Variants in PNKD observed in about 807,000 individuals in gnomAD.
PNKD encodes PNKD metallo-beta-lactamase domain containing, also known as probable thioesterase PNKD.
A neutral mutation model predicts 45.3 loss-of-function variants in PNKD; 36 were observed. The observed-to-expected ratio is 0.80, with a 90% CI of 0.61 to 1.05. The LOEUF is 1.05. PNKD is among the 50% of genes least tolerant of loss of function. The pLI, the probability that PNKD is intolerant of heterozygous loss-of-function variation, is 0.00. For synonymous variants in PNKD, 197 were observed against 210.1 expected, an observed-to-expected ratio of 0.94 and a Z score of 0.54; for missense variants, 511 against 506.6, an observed-to-expected ratio of 1.01 and a Z score of -0.08.
chr2:218,306,983 A>C (rs2106256417), intron 2 of PNKD, among the ~76,000 whole-genome samples: 1 of 152,344 alleles, frequency 6.6e-6, no homozygotes, highest in South Asian at 2.1e-4. Context: ...CCTACCAAAC[A>C]TCATAGCCTA....
chr2:218,312,931 G>A (rs1693660054), intron 2 of PNKD, among the ~76,000 whole-genome samples: 1 of 150,624 alleles, frequency 6.6e-6, no homozygotes, highest in African/African-American at 2.4e-5. Flanking sequence ...CTTCGTATGT[G>A]TTCTATTTTT....
chr2:218,302,370 G>C (rs1049846086), intron 2 of PNKD, among the ~76,000 whole-genome samples: 7 of 152,046 alleles, frequency 4.6e-5, no homozygotes, highest in Non-Finnish European at 8.8e-5. Flanking sequence ...CAAAAGAGTG[G>C]CACCCAGGCA....
At chr2:218,306,967 C>T (rs1021813201) in intron 2 of PNKD, among the ~76,000 whole-genome samples, 5 of 152,196 alleles carry the variant, frequency 3.3e-5, no homozygotes, top group Admixed American at 2.6e-4. Context: ...ATTAAATACA[C>T]CTAAACCTAC....
At chr2:218,276,952 A>G (rs987256363) in intron 2 of PNKD, 31 of 1,488,216 alleles carry the variant, frequency 2.1e-5, no homozygotes, top group Non-Finnish European at 2.8e-5. Context: ...CTATATAGGA[A>G]GTCTGCCCTG....
chr2:218,345,047 C>A lies in PNKD; in HGVS notation c.*66C>A. 1.6e-6 allele frequency: 2 copies of A among 1,237,384 alleles called. No homozygotes were observed. Among genetic ancestry groups the A allele is most frequent in the Non-Finnish European group, 2.3e-6 (2 of 870,686 alleles). The allele number at this position is 1,237,384 out of a possible 1,614,324, so 76.7% of individuals were successfully genotyped here. ...GAGGCCGCCACCACCAACACCTCAT[C>A]ATCCTTCTCATCGCTAACACCACCA... On this transcript the variant is annotated 3_prime_UTR_variant, in exon 10 of 10. Transcript: ENST00000273077.
intron 2 of PNKD, among the ~76,000 whole-genome samples, chr2:218,325,107 G>A (rs1206384370): frequency 7.0e-6 from 1 of 143,062 alleles, no homozygotes; most frequent in African/African-American, 2.6e-5. Flanking sequence ...CACCGTGTTG[G>A]TCAGGCTGGT....
At chr2:218,336,055 A>C (rs977989830) in intron 2 of PNKD, among the ~76,000 whole-genome samples, 1 of 151,846 alleles carries the variant, frequency 6.6e-6, no homozygotes, top group Non-Finnish European at 1.5e-5. Flanking sequence ...TCTCTACTAA[A>C]AGTACAAAAA....
intron 2 of PNKD, among the ~76,000 whole-genome samples, chr2:218,320,466 G>T (rs1408507510): frequency 6.6e-6 from 1 of 152,198 alleles, no homozygotes; most frequent in African/African-American, 2.4e-5. Flanking sequence ...TACCGAGGAG[G>T]CTGAAGCGGG....
intron 2 of PNKD, chr2:218,292,482 G>C (rs1693002369): frequency 6.6e-6 from 1 of 152,328 alleles, no homozygotes; most frequent in East Asian, 1.9e-4. Flanking sequence ...CGTTCCAGAC[G>C]GAGCGTTCCT....
intron 2 of PNKD, among the ~76,000 whole-genome samples, chr2:218,325,363 A>G (rs1462723050): frequency 6.6e-6 from 1 of 150,836 alleles, no homozygotes; most frequent in African/African-American, 2.4e-5. Context: ...ACCTGCTACC[A>G]TACCCAGCTA....
chr2:218,296,844 A>C (rs968947434), intron 2 of PNKD, among the ~76,000 whole-genome samples: 4 of 151,914 alleles, frequency 2.6e-5, no homozygotes, highest in African/African-American at 4.8e-5. Flanking sequence ...TGCCCAGCTA[A>C]TTTTTGTATT....
chr2:218,315,049 T>TTC (rs1559521266), intron 2 of PNKD, among the ~76,000 whole-genome samples: 13 of 57,644 alleles, frequency 2.3e-4, no homozygotes, highest in East Asian at 6.4e-4. Context: ...TTTCTTTCTT[T>TTC]CTTTCTTTCT....
Position 218,345,159 on chromosome 2 carries a change from A to C in PNKD, c.*178A>C. ...GGCGATGAGACTGTGAGGCCAAAAG[A>C]AGGGGGCCTGTTGGAGGCTGGGAAC... On this transcript the variant is annotated 3_prime_UTR_variant, in exon 10 of 10. Transcript: ENST00000273077. The C allele has an allele frequency of 6.6e-6, 4 of 605,134 alleles. No homozygotes were observed. Among genetic ancestry groups the C allele is most frequent in the Non-Finnish European group, 5.8e-6 (2 of 344,858 alleles). 37.5% of individuals were successfully genotyped at this position (605,134 alleles called of 1,614,324 possible). A position where few individuals can be genotyped will look rare whatever the true frequency, so the allele number is the denominator to read the frequency against.
At chr2:218,283,954 CAGG>C in intron 2 of PNKD, 2 of 152,122 alleles carry the variant, frequency 1.3e-5, no homozygotes, top group Non-Finnish European at 2.9e-5. Context: ...ATCATGAGGT[CAGG>C]AGTTCGAGAC....
chr2:218,277,306 G>A, intron 2 of PNKD: 4 of 1,498,780 alleles, frequency 2.7e-6, no homozygotes, highest in Non-Finnish European at 3.7e-6. Flanking sequence ...GTGTGCCGGG[G>A]TCCGGGCCTG....
chr2:218,273,075 T>C (rs1291329831), intron 2 of PNKD: 2 of 617,186 alleles, frequency 3.2e-6, no homozygotes, highest in African/African-American at 1.9e-5. Context: ...GAGACTTAAG[T>C]GCAACCAGCC....
At chr2:218,342,286 A>G (rs1324713055) in intron 7 of PNKD, 142 bp downstream of exon 7, 10 of 724,634 alleles carry the variant, frequency 1.4e-5, no homozygotes, top group Non-Finnish European at 1.9e-5. Flanking sequence ...TGTTACTCAG[A>G]TTGGTTTTAA....
chr2:218,279,957 G>C (rs779414623), intron 2 of PNKD: 1 of 1,153,826 alleles, frequency 8.7e-7, no homozygotes, highest in Admixed American at 1.7e-5. Flanking sequence ...GGCTACTGTG[G>C]CCTACCCACT....
intron 2 of PNKD, among the ~76,000 whole-genome samples, chr2:218,284,906 A>C (rs577851174): frequency 1.2e-4 from 19 of 152,272 alleles, no homozygotes; most frequent in African/African-American, 4.6e-4. Context: ...GCCTGGCCAA[A>C]TGGTGAAACC....
Sources: gnomAD v4.1 joint callset for allele counts (sites outside exome capture counted in the v4.1 genomes callset) on GRCh38, gnomAD v4.1.1 for gene constraint, MANE v1.5 for transcripts, NCBI Gene and HGNC (gene_info 2026-07-23, HGNC 2026-07-21) for gene names.